The following CPAMD8 variants were observed in gnomAD, a reference collection of about 807,000 sequenced individuals.
CPAMD8 encodes C3 and PZP like alpha-2-macroglobulin domain containing 8.
Under a neutral mutation model 224.7 loss-of-function variants are expected in CPAMD8, and 146 were observed. That is an observed-to-expected ratio of 0.65 (90% CI 0.57 to 0.75). The LOEUF (loss-of-function observed/expected upper bound fraction) is 0.75, where lower values mean the gene tolerates loss of function less well. CPAMD8 is among the 30% of genes least tolerant of loss of function. The pLI, the probability that CPAMD8 is intolerant of heterozygous loss-of-function variation, is 0.00. For synonymous variants in CPAMD8, 966 were observed against 1,044.6 expected (o/e 0.92, Z 1.45); for missense variants, 2,301 against 2,537.5 (o/e 0.91, Z 2.00).
In CPAMD8 at chr19:16,899,608, C is replaced by T; in HGVS notation, c.4774-59G>A. On this transcript the variant is annotated intron_variant, in intron 36 of 41. Transcript: ENST00000443236. The surrounding 1 kb of genome is among the most constrained non-coding windows in gnomAD (Gnocchi z 5.4). ...CTCTCTACTTGCTTCCTCTCCCATC[C>T]CCTGGGGGCAGTGGTCAGTGGGATG... The T allele has an allele frequency of 1.2e-6, 1 of 839,768 alleles. No individual in the cohort carries two copies. Among genetic ancestry groups the T allele is most frequent in the South Asian group, 1.3e-5 (1 of 75,304 alleles). 52.0% of individuals were successfully genotyped at this position (839,768 alleles called of 1,614,324 possible). A position where few individuals can be genotyped will look rare whatever the true frequency, so the allele number is the denominator to read the frequency against.
intron 8 of CPAMD8, among the ~76,000 whole-genome samples, chr19:17,002,764 A>C (rs2056369492): frequency 6.6e-6 from 1 of 152,144 alleles, no homozygotes; most frequent in Non-Finnish European, 1.5e-5. Context: ...TTCTGGACTC[A>C]GCCCTGGGAG....
intron 22 of CPAMD8, among the ~76,000 whole-genome samples, chr19:16,944,792 T>G (rs1236530394): frequency 1.3e-5 from 2 of 152,166 alleles, no homozygotes; most frequent in African/African-American, 4.8e-5. Context: ...CAGAAGCCAC[T>G]TGTGTTCAGG....
chr19:17,006,227 G>T (rs1005199182), intron 7 of CPAMD8, among the ~76,000 whole-genome samples: 10 of 152,136 alleles, frequency 6.6e-5, no homozygotes, highest in African/African-American at 2.4e-5. Flanking sequence ...CTCCCAAAGT[G>T]CTGGCATTAC....
chr19:16,982,712 C>A (rs2055557580), intron 13 of CPAMD8, among the ~76,000 whole-genome samples: 1 of 151,984 alleles, frequency 6.6e-6, no homozygotes, highest in Admixed American at 6.6e-5. Flanking sequence ...GTGGCACAAG[C>A]CCATAGTCCC....
chr19:16,947,221 T>C lies in CPAMD8; in HGVS notation c.2515A>G (p.Met839Val), dbSNP rs553931663. The change falls in exon 21 of 42, where the codon ATG becomes GTG. Residue 839 changes from methionine to valine, a missense_variant. Physicochemically the swap from Met to Val is conservative, Grantham distance 21. Coordinates refer to ENST00000443236, the MANE Select transcript of CPAMD8 (RefSeq NM_015692.5). ...NYMGTCAEVY[M>V]KLSVPKGIQF... ...ATGCCCTTGGGAACCGAGAGCTTCA[T>C]GTACACCTGCAGAGGGTGGCATTGG... 3.1e-6 allele frequency: 5 copies of C among 1,611,800 alleles called. No individual in the cohort carries two copies. Among genetic ancestry groups the C allele is most frequent in the African/African-American group, 1.3e-5 (1 of 74,968 alleles).
At chr19:16,935,441 C>G (rs2053656182) in intron 23 of CPAMD8, among the ~76,000 whole-genome samples, 1 of 152,144 alleles carries the variant, frequency 6.6e-6, no homozygotes, top group African/African-American at 2.4e-5. Context: ...TAACCCCTGG[C>G]AACCACTAAT....
At chr19:17,001,838 A>G (rs1862402768) in intron 9 of CPAMD8, among the ~76,000 whole-genome samples, 1 of 144,976 alleles carries the variant, frequency 6.9e-6, no homozygotes, top group Non-Finnish European at 1.5e-5. Context: ...CTCTAGGGAA[A>G]GGGGTACACT....
chr19:16,948,873 GAA>G (rs2054199265), intron 20 of CPAMD8, among the ~76,000 whole-genome samples: 6 of 9,918 alleles, frequency 6.0e-4, no homozygotes, highest in Admixed American at 3.6e-3. Context: ...AAAGGAAAGG[GAA>G]GGGAAGGGAA....
chr19:16,909,851 C>T (rs758108612), intron 29 of CPAMD8, among the ~76,000 whole-genome samples: 9 of 152,008 alleles, frequency 5.9e-5, no homozygotes, highest in Admixed American at 3.9e-4. Context: ...CTGATCGGCA[C>T]GGGAGTTTTT....
At chr19:16,897,361 C>T in intron 39 of CPAMD8, 1 of 330,264 alleles carries the variant, frequency 3.0e-6, no homozygotes, top group Non-Finnish European at 5.4e-6. Flanking sequence ...CCTCACCACA[C>T]TGACCACCCT....
intron 9 of CPAMD8, 53 bp downstream of exon 9, chr19:17,002,213 T>G (rs946605630): frequency 8.4e-7 from 1 of 1,193,004 alleles, no homozygotes; most frequent in Non-Finnish European, 1.2e-6. Context: ...AGCGTGATGG[T>G]TGGGGAAGGG....
At chr19:16,931,261 G>A (rs1359964295) in intron 23 of CPAMD8, among the ~76,000 whole-genome samples, 1 of 152,160 alleles carries the variant, frequency 6.6e-6, no homozygotes, top group Non-Finnish European at 1.5e-5. Context: ...GCCCAGCTCT[G>A]TCCCCGCAAG....
intron 3 of CPAMD8, among the ~76,000 whole-genome samples, chr19:17,016,968 G>T (rs965086191): frequency 6.6e-6 from 1 of 151,588 alleles, no homozygotes; most frequent in Non-Finnish European, 1.5e-5. Context: ...CTGGGCCACA[G>T]ACTGGTACCA....
At position 17,000,123 on chromosome 19, in the gene CPAMD8, C is replaced by T. The variant is rs193111940; in HGVS notation, c.867+291G>A. 44 of 317,908 alleles carry T rather than the reference C, an allele frequency of 1.4e-4. No homozygotes were observed. In the Middle Eastern group the frequency reaches 2.6e-3, roughly 19 times the overall value. The allele number at this position is 317,908 out of a possible 1,614,324, so 19.7% of individuals were successfully genotyped here. On this transcript the variant is annotated intron_variant, in intron 10 of 41. Coordinates refer to ENST00000443236, the MANE Select transcript of CPAMD8 (RefSeq NM_015692.5). The stretch of plus-strand genomic sequence containing the variant: ...TTCTAAAGTCTCTATATTCAGCCTG[C>T]AGGAATTTTATCATCAGAAAAATCC...
chr19:16,906,943 G>T lies in CPAMD8; in HGVS notation c.4027+9C>A. 1 of 1,576,096 alleles carries T rather than the reference G, an allele frequency of 6.3e-7. No homozygotes were observed. The highest frequency in any genetic ancestry group is 8.6e-7 in the Non-Finnish European group (1 of 1,161,228). On this transcript the variant is annotated intron_variant, in intron 30 of 41. Transcript: ENST00000443236. ...GCTGTGGCCTCTGGGGAGGGCCAGG[G>T]ACACCTACCTCGCATGATGGCCAGG... is the stretch of plus-strand genomic sequence containing the variant.
At chr19:16,970,351 C>G (rs2055015179) in intron 18 of CPAMD8, among the ~76,000 whole-genome samples, 1 of 152,000 alleles carries the variant, frequency 6.6e-6, no homozygotes, top group Non-Finnish European at 1.5e-5. Flanking sequence ...CTTTGAGAGG[C>G]TGCGGCAGGC....
At chr19:16,921,763 C>T (rs2053182931) in intron 27 of CPAMD8, 142 bp downstream of exon 27, 1 of 609,918 alleles carries the variant, frequency 1.6e-6, no homozygotes, top group Non-Finnish European at 2.9e-6. Flanking sequence ...GAGCTGGGAC[C>T]ACCACAGTCT....
intron 22 of CPAMD8, among the ~76,000 whole-genome samples, chr19:16,942,154 C>T (rs1419442326): frequency 1.3e-5 from 2 of 151,928 alleles, no homozygotes; most frequent in African/African-American, 4.8e-5. Context: ...AATTAAACCT[C>T]TTTTCTTTAC....
At chr19:16,998,747 T>G (rs1457031610) in intron 10 of CPAMD8, among the ~76,000 whole-genome samples, 2 of 152,176 alleles carry the variant, frequency 1.3e-5, no homozygotes, top group Admixed American at 6.5e-5. Flanking sequence ...TATAAAATAG[T>G]GCAGCCACAT....
Sources: allele counts gnomAD v4.1 joint callset (sites outside exome capture counted in the v4.1 genomes callset), GRCh38; gene constraint gnomAD v4.1.1; non-coding constraint Gnocchi (gnomAD v3.1); transcripts MANE v1.5; gene names NCBI Gene and HGNC (gene_info 2026-07-23, HGNC 2026-07-21).